Variants in ZFYVE26 observed in about 807,000 individuals in gnomAD.
ZFYVE26 encodes zinc finger FYVE-type containing 26.
A neutral mutation model predicts 276.5 loss-of-function variants in ZFYVE26; 181 were observed. The ratio of observed to expected loss-of-function variants is 0.65; its 90% CI spans 0.58 to 0.74. The LOEUF (loss-of-function observed/expected upper bound fraction) is 0.74, where lower values mean the gene tolerates loss of function less well. Among genes scored for constraint, ZFYVE26 ranks in the 30% least tolerant of loss-of-function variants. The pLI, the probability that ZFYVE26 is intolerant of heterozygous loss-of-function variation, is 0.00. For missense variants in ZFYVE26, 2,821 were observed against 3,097.9 expected (o/e 0.91, Z 2.12); for synonymous variants, 1,129 against 1,203.1 (o/e 0.94, Z 1.27).
intron 13 of ZFYVE26, chr14:67,733,904 C>A: frequency 7.4e-7 from 1 of 1,357,340 alleles, no homozygotes; most frequent in Non-Finnish European, 1.1e-6. Flanking sequence ...TGAACAGGGA[C>A]CAAGGAGAAG....
chr14:67,797,698 C>G lies in ZFYVE26; in HGVS notation c.2306G>C (p.Gly769Ala). ...PATRHPSLRR[G>A]RRTRRSQADG... ...TGCCTGGCTCCTTCTTGTCCGACGA[C>G]CCCGGCGGAGACTGGGGTGACGTGT... Residue 769 changes from glycine (G) to alanine (A), a missense_variant, in exon 12 of 42, where the codon GGT becomes GCT. Physicochemically the swap from Gly to Ala is moderately conservative, Grantham distance 60 (BLOSUM62 0). Coordinates refer to ENST00000347230, the MANE Select transcript of ZFYVE26 (RefSeq NM_015346.4). The G allele has an allele frequency of 6.2e-7, 1 of 1,614,188 alleles. No individual in the cohort carries two copies. The highest frequency in any genetic ancestry group is 8.5e-7 in the Non-Finnish European group (1 of 1,180,046).
At chr14:67,754,636 T>G (rs1379929537) in intron 37 of ZFYVE26, among the ~76,000 whole-genome samples, 1 of 152,196 alleles carries the variant, frequency 6.6e-6, no homozygotes, top group East Asian at 1.9e-4. Context: ...CTCCAGATGT[T>G]GTGTTCTATG....
At chr14:67,774,943 A>T in intron 27 of ZFYVE26, 73 bp downstream of exon 27, 1 of 1,097,700 alleles carries the variant, frequency 9.1e-7, no homozygotes, top group South Asian at 1.4e-5. Flanking sequence ...AAAAAAAAAA[A>T]AAAATTCTGA....
chr14:67,765,810 GA>G (rs2039040243), intron 32 of ZFYVE26, among the ~76,000 whole-genome samples: 1 of 152,188 alleles, frequency 6.6e-6, no homozygotes, highest in Non-Finnish European at 1.5e-5. Flanking sequence ...GTCACAGTTT[GA>G]ATTTGGTCAG....
Position 67,794,352 on chromosome 14 carries a change from A to G in ZFYVE26, c.2333-113T>C, listed in dbSNP as rs1056538788. 2.9e-6 allele frequency: 3 copies of G among 1,040,686 alleles called. No individual in the cohort carries two copies. In the Admixed American group the frequency reaches 5.1e-5, roughly 18 times the overall value. 64.5% of individuals were successfully genotyped at this position (1,040,686 alleles called of 1,614,324 possible). ...TGTAGTTAGAGACAGAGGATAATGA[A>G]TAACTATGACACCTGCTGCTCCTTC... On this transcript the variant is annotated intron_variant, in intron 12 of 41. Transcript: ENST00000347230.
rs144721227 is a variant in ZFYVE26 at position 67,781,474 on chromosome 14, C to T, written c.4428G>A (p.Arg1476=). Residue 1476 remains arginine, a synonymous_variant, in exon 22 of 42, where the codon CGG becomes CGA. Coordinates refer to ENST00000347230, the MANE Select transcript of ZFYVE26 (RefSeq NM_015346.4). ...ACCTGTCCACAAACTGTAGGGCCAG[C>T]CGACTTCTCAGAGATGCATCCTTCA... The part of the protein sequence containing the change: ...FPVKDASLRS[R]LALQFVDRWP... The T allele has an allele frequency of 6.2e-7, 1 of 1,614,160 alleles. No homozygotes were observed. The highest frequency in any genetic ancestry group is 2.2e-5 in the East Asian group (1 of 44,882).
At chr14:67,806,950 A>C (rs1415388230) in intron 5 of ZFYVE26, among the ~76,000 whole-genome samples, 1 of 151,892 alleles carries the variant, frequency 6.6e-6, no homozygotes, top group Non-Finnish European at 1.5e-5. Context: ...ATTTATTTTG[A>C]GATAGGGTCT....
intron 3 of ZFYVE26, among the ~76,000 whole-genome samples, chr14:67,813,764 A>G (rs967424963): frequency 2.0e-5 from 3 of 152,220 alleles, no homozygotes; most frequent in African/African-American, 7.2e-5. Flanking sequence ...CACAAGACTC[A>G]TGGTGGTATT....
At chr14:67,779,520 C>T (rs1160739605) in intron 23 of ZFYVE26, among the ~76,000 whole-genome samples, 1 of 152,104 alleles carries the variant, frequency 6.6e-6, no homozygotes, top group Non-Finnish European at 1.5e-5. Flanking sequence ...CAAGATTGCG[C>T]CATTGCACTC....
intron 13 of ZFYVE26, among the ~76,000 whole-genome samples, chr14:67,738,805 A>G (rs1197243505): frequency 2.0e-5 from 3 of 152,202 alleles, no homozygotes; most frequent in Non-Finnish European, 4.4e-5. Context: ...GCTGTCACCC[A>G]GTAGTCATTC....
At chr14:67,779,090 C>T (rs1399671104) in intron 23 of ZFYVE26, among the ~76,000 whole-genome samples, 2 of 150,840 alleles carry the variant, frequency 1.3e-5, no homozygotes, top group East Asian at 2.0e-4. Context: ...CCTGAATGAA[C>T]GAACATTTCA....
chr14:67,748,719 G>A (rs1368138298), intron 41 of ZFYVE26, 80 bp from the exon 42 acceptor site: 7 of 1,479,994 alleles, frequency 4.7e-6, no homozygotes, highest in African/African-American at 1.4e-5. Context: ...CAGAAAGCTC[G>A]GGCAGACAGA....
At chr14:67,771,720 G>C (rs919603781) in intron 28 of ZFYVE26, among the ~76,000 whole-genome samples, 6 of 152,176 alleles carry the variant, frequency 3.9e-5, no homozygotes, top group East Asian at 3.9e-4. Context: ...TATAACCACT[G>C]CTGGGTCACC....
chr14:67,734,673 C>G (rs564610017), intron 13 of ZFYVE26, among the ~76,000 whole-genome samples: 16 of 152,264 alleles, frequency 1.1e-4, no homozygotes, highest in African/African-American at 3.6e-4. Flanking sequence ...GTTAGGCAGA[C>G]AGAGAAAAAG....
rs1051995977 is a variant in ZFYVE26, at chr14:67,794,331, G to C, written c.2333-92C>G. 16 of 1,198,424 alleles carry C rather than the reference G, an allele frequency of 1.3e-5. No homozygotes were observed. In the East Asian group the frequency reaches 3.7e-4, roughly 28 times the overall value. The allele number at this position is 1,198,424 out of a possible 1,614,324, so 74.2% of individuals were successfully genotyped here. On this transcript the variant is annotated intron_variant, in intron 12 of 41. Transcript: ENST00000347230. Reference sequence around the variant, plus strand: ...TGGCTTGACAGCCAAGATCTGTGTAGTTAGAGACAGAGGATAATGAATAAC... The same window carrying C: ...TGGCTTGACAGCCAAGATCTGTGTACTTAGAGACAGAGGATAATGAATAAC...
Position 67,785,868 on chromosome 14 carries a change from TAGTGCCTCTCTC to T in ZFYVE26, c.3282_3293del (p.Arg1095_Leu1098del), listed in dbSNP as rs753694248. 8.7e-6 allele frequency: 14 copies of T among 1,614,020 alleles called. No homozygotes were observed. In the African/African-American group the frequency reaches 1.6e-4, roughly 18 times the overall value. On this transcript the variant is annotated inframe_deletion, in exon 18 of 42. Coordinates refer to ENST00000347230, the MANE Select transcript of ZFYVE26 (RefSeq NM_015346.4). ...CAGACAGCCTTATACCTGGCAGCTCTAGTGCCTCTCTCAGTGACTGAAGGACCTGATCTAGCT... is the reference window on the plus strand; with the variant it reads ...CAGACAGCCTTATACCTGGCAGCTCTAGTGACTGAAGGACCTGATCTAGCT...
intron 1 of ZFYVE26, 78 bp from the exon 2 acceptor site, chr14:67,816,124 G>A: frequency 1.7e-6 from 1 of 595,460 alleles, no homozygotes; most frequent in South Asian, 2.3e-5. Flanking sequence ...GGTCCGCCTG[G>A]GAAAGGCGGG....
intron 31 of ZFYVE26, 150 bp from the exon 32 acceptor site, chr14:67,766,597 T>A (rs573055354): frequency 2.7e-6 from 2 of 730,190 alleles, no homozygotes; most frequent in South Asian, 3.6e-5. Context: ...AAAGCAGAAG[T>A]GGAACTAAAC....
At chr14:67,742,547 G>C (rs1247875130), downstream of ZFYVE26, among the ~76,000 whole-genome samples, 1 of 152,144 alleles carries the variant, frequency 6.6e-6, no homozygotes, top group Non-Finnish European at 1.5e-5. Context: ...TATGGAGTTG[G>C]TAGAAGGTGC....
Sources: gnomAD v4.1 joint callset for allele counts (sites outside exome capture counted in the v4.1 genomes callset) on GRCh38, gnomAD v4.1.1 for gene constraint, MANE v1.5 for transcripts, NCBI Gene and HGNC (gene_info 2026-07-23, HGNC 2026-07-21) for gene names.